Variants in SZT2 observed in about 807,000 individuals in gnomAD.
The protein encoded by SZT2 is SZT2 subunit of KICSTOR complex, also known as KICSTOR complex protein SZT2.
In SZT2, 216 loss-of-function variants were observed where a neutral mutation model predicts 404.2. That is an observed-to-expected ratio of 0.53 (90% CI 0.48 to 0.60). SZT2 has a LOEUF of 0.60. Ranked by LOEUF, SZT2 falls within the 20% of genes least tolerant of loss-of-function variation. The pLI is 0.00. For synonymous variants in SZT2, 1,693 were observed against 1,749.9 expected (o/e 0.97, Z 0.81); for missense variants, 3,857 against 4,459.2 (o/e 0.86, Z 3.85).
At chr1:43,392,843 A>G (rs1648563754) in intron 1 of SZT2, among the ~76,000 whole-genome samples, 1 of 152,212 alleles carries the variant, frequency 6.6e-6, no homozygotes, top group African/African-American at 2.4e-5. Context: ...ATCCCAAGAG[A>G]GAAAGATTGG....
Position 43,425,824 on chromosome 1 carries a change from T to C in SZT2, c.2815-11T>C, listed in dbSNP as rs1367279617. Reference sequence around the variant, plus strand: ...GGGGTTGACTCCTGACCTCTGATGTTCTTCCTGTAGCTCCACCCACGGGAT... The same window carrying C: ...GGGGTTGACTCCTGACCTCTGATGTCCTTCCTGTAGCTCCACCCACGGGAT... On this transcript the variant is annotated splice_polypyrimidine_tract_variant and intron_variant, in intron 19 of 71. Transcript: ENST00000634258. The surrounding 1 kb of genome is among the most constrained non-coding windows in gnomAD (Gnocchi z 4.3). The C allele has an allele frequency of 6.2e-7, 1 of 1,612,898 alleles. No homozygotes were observed. Among genetic ancestry groups the C allele is most frequent in the East Asian group, 2.2e-5 (1 of 44,866 alleles).
Position 43,431,804 on chromosome 1 carries a change from A to G in SZT2, c.5177A>G (p.His1726Arg), listed in dbSNP as rs773503787. The G allele has an allele frequency of 1.2e-6, 2 of 1,614,212 alleles. No homozygotes were observed. The highest frequency in any genetic ancestry group is 1.7e-5 in the Admixed American group (1 of 60,030). Residue 1726 changes from histidine (H) to arginine (R), a missense_variant, in exon 36 of 72, where the codon CAT becomes CGT. Physicochemically the swap from His to Arg is conservative, Grantham distance 29. Coordinates refer to ENST00000634258, the MANE Select transcript of SZT2 (RefSeq NM_001365999.1). ...CCTGCCCTGCACCGCGCAGCTGCCC[A>G]TATCCATAGTTCTCCTGGACGCTCC... ...QSPALHRAAAHIHSSPGRSTC... is the reference protein window; with the variant it reads ...QSPALHRAAARIHSSPGRSTC...
At chr1:43,422,316 C>A in intron 12 of SZT2, 91 bp downstream of exon 12, 1 of 1,500,734 alleles carries the variant, frequency 6.7e-7, no homozygotes, top group Non-Finnish European at 8.9e-7. Flanking sequence ...CAGATGAGCT[C>A]TTACCAACTG....
intron 62 of SZT2, 59 bp from the exon 63 acceptor site, chr1:43,445,835 C>A: frequency 6.6e-7 from 1 of 1,515,092 alleles, no homozygotes; most frequent in South Asian, 1.1e-5. Context: ...TGGGTCTGAT[C>A]ACCATGACTG....
At chr1:43,444,353 T>C (rs944868489) in intron 62 of SZT2, among the ~76,000 whole-genome samples, 3 of 152,054 alleles carry the variant, frequency 2.0e-5, no homozygotes, top group African/African-American at 7.2e-5. Flanking sequence ...CACCTCAGCC[T>C]CCCAAAGTGC....
chr1:43,440,285 C>T (rs1654925259), intron 51 of SZT2, among the ~76,000 whole-genome samples, 168 bp from the exon 52 acceptor site: 1 of 152,210 alleles, frequency 6.6e-6, no homozygotes, highest in African/African-American at 2.4e-5. Flanking sequence ...GCATCAGAGG[C>T]TCACTTCACA....
rs765630167 is a variant in SZT2, at chr1:43,443,808, C to T, written c.8825+12C>T. Reference sequence around the variant, plus strand: ...TCACCCGCCCGCAGGTGAGCCCGTCCCTGTTTTCCCTTCTGTCTTCTCCTC... The same window carrying T: ...TCACCCGCCCGCAGGTGAGCCCGTCTCTGTTTTCCCTTCTGTCTTCTCCTC... On this transcript the variant is annotated intron_variant, in intron 62 of 71. Transcript: ENST00000634258. 6 of 1,612,746 alleles carry T rather than the reference C, an allele frequency of 3.7e-6. No individual in the cohort carries two copies. Among genetic ancestry groups the T allele is most frequent in the Non-Finnish European group, 5.1e-6 (6 of 1,179,950 alleles).
Position 43,420,275 on chromosome 1 carries a change from G to T in SZT2, c.1213G>T (p.Val405Leu), listed in dbSNP as rs758088517. Residue 405 changes from valine to leucine, a missense_variant, in exon 9 of 72, where the codon GTA (valine) becomes TTA (leucine). By Grantham distance (32) the Val-to-Leu change is conservative (BLOSUM62 1). This residue lies in a region of SZT2 where 536 missense variants were observed against 637.4 expected (regional missense o/e 0.84). Coordinates refer to ENST00000634258, the MANE Select transcript of SZT2 (RefSeq NM_001365999.1). This position sits in a 1 kb window ranked among gnomAD's most constrained non-coding sequence, Gnocchi z 5.1. ...VPADLVSTVS[V>L]RLREGYSVRE... ...AGCCGACTTGGTCAGCACTGTGTCC[G>T]TACGGCTTCGAGAGGGCTACAGTGT... The T allele has an allele frequency of 3.8e-6, 6 of 1,598,146 alleles. No homozygotes were observed. Among genetic ancestry groups the T allele is most frequent in the Non-Finnish European group, 5.1e-6 (6 of 1,179,684 alleles).
rs377397872 is a variant in SZT2 at position 43,432,279 on chromosome 1, G to T, written c.5282G>T (p.Arg1761Leu). 6.4e-7 allele frequency: 1 copy of T among 1,553,580 alleles called. No individual in the cohort carries two copies. Among genetic ancestry groups the T allele is most frequent in the East Asian group, 2.2e-5 (1 of 44,488 alleles). ...TTGGCTCCTGCTCTCTAGGAGTTCC[G>T]CCGCCTCCATCTCCCTGGCCATGTT... ...RSLTQFKEEF[R>L]RLHLPGHVLL... The change falls in exon 37 of 72, where the codon CGC becomes CTC. Residue 1761 changes from arginine (R) to leucine (L), a missense_variant. Around this residue, in one of 7 missense-constraint regions of SZT2, gnomAD observed 1,725 missense variants for 1,881.0 expected, o/e 0.92. Coordinates refer to ENST00000634258, the MANE Select transcript of SZT2 (RefSeq NM_001365999.1).
chr1:43,453,865 CG>C lies in SZT2; in HGVS notation c.*3390del. ...CGGGCGGCGGGCGGCGGGCGGCGGGCGGGGGCGGGGCTCTCCTTGCTGGCCC... is the reference window on the plus strand; with the variant it reads ...CGGGCGGCGGGCGGCGGGCGGCGGGCGGGGCGGGGCTCTCCTTGCTGGCCC... On this transcript the variant is annotated 3_prime_UTR_variant, in exon 72 of 72. Coordinates refer to ENST00000634258, the MANE Select transcript of SZT2 (RefSeq NM_001365999.1). 1.1e-6 allele frequency: 1 copy of C among 888,254 alleles called. No homozygotes were observed. The highest frequency in any genetic ancestry group is 1.5e-6 in the Non-Finnish European group (1 of 684,766). 55.0% of individuals were successfully genotyped at this position (888,254 alleles called of 1,614,324 possible).
In SZT2 at chr1:43,415,180, C is replaced by T; in HGVS notation, c.597C>T (p.Thr199=). Residue 199 remains threonine, a synonymous_variant, in exon 5 of 72, where the codon ACC becomes ACT. Coordinates refer to ENST00000634258, the MANE Select transcript of SZT2 (RefSeq NM_001365999.1). ...QLCLFEDKVA[T]MLQQQYDPQS... ...GCCTCTTTGAGGATAAGGTGGCCAC[C>T]ATGCTGCAGCAGCAGTACGATCCCC... The T allele has an allele frequency of 6.3e-7, 1 of 1,598,004 alleles. No homozygotes were observed. Among genetic ancestry groups the T allele is most frequent in the Non-Finnish European group, 8.5e-7 (1 of 1,179,576 alleles).
At chr1:43,432,463 G>T (rs372353520) in intron 37 of SZT2, 24 bp downstream of exon 37, 2 of 1,562,982 alleles carry the variant, frequency 1.3e-6, no homozygotes, top group South Asian at 1.2e-5. Flanking sequence ...GGGAATGGAG[G>T]GGGGTGGTGG....
chr1:43,451,189 G>T lies in SZT2; in HGVS notation c.*709G>T. 1 of 1,518,162 alleles carries T rather than the reference G, an allele frequency of 6.6e-7. No homozygotes were observed. Among genetic ancestry groups the T allele is most frequent in the Non-Finnish European group, 9.2e-7 (1 of 1,092,698 alleles). 94.0% of individuals were successfully genotyped at this position (1,518,162 alleles called of 1,614,324 possible). On this transcript the variant is annotated 3_prime_UTR_variant, in exon 72 of 72. Transcript: ENST00000634258. ...AGGTCATCTTTAATGCAGAGGAGGA[G>T]ATGGGATGTCACTCGCTGTCTGGAG...
rs1397277980 is a variant in SZT2 at position 43,440,730 on chromosome 1, G to A, written c.7344+144G>A. Reference sequence around the variant, plus strand: ...ACTGCTCTGTCCTGCCAGACACCATGGCGTGTACCTTTAGTCCCAGCTCCT... The same window carrying A: ...ACTGCTCTGTCCTGCCAGACACCATAGCGTGTACCTTTAGTCCCAGCTCCT... On this transcript the variant is annotated intron_variant, in intron 52 of 71. Coordinates refer to ENST00000634258, the MANE Select transcript of SZT2 (RefSeq NM_001365999.1). The A allele has an allele frequency of 1.4e-5, 17 of 1,174,678 alleles. No homozygotes were observed. The East Asian group carries it at 4.8e-4, about 33-fold the overall frequency. The allele number at this position is 1,174,678 out of a possible 1,614,324, so 72.8% of individuals were successfully genotyped here.
At position 43,420,456 on chromosome 1, in the gene SZT2, G is replaced by A. The variant is rs141657742; in HGVS notation, c.1261+133G>A. The stretch of plus-strand genomic sequence containing the variant: ...CACTTGAGACAGTGGGTTTTGAATT[G>A]TCATCAGGGCTTAATTCTCTTAGCA... On this transcript the variant is annotated intron_variant, in intron 9 of 71. Coordinates refer to ENST00000634258, the MANE Select transcript of SZT2 (RefSeq NM_001365999.1). This position sits in a 1 kb window ranked among gnomAD's most constrained non-coding sequence, Gnocchi z 5.1. 1.3e-3 allele frequency: 1,583 copies of A among 1,218,802 alleles called. 26 individuals are homozygous for A. In the East Asian group the frequency reaches 0.02, roughly 15 times the overall value. 75.5% of individuals were successfully genotyped at this position (1,218,802 alleles called of 1,614,324 possible). A position where few individuals can be genotyped will look rare whatever the true frequency, so the allele number is the denominator to read the frequency against.
Position 43,453,616 on chromosome 1 carries a change from C to A in SZT2, c.*3136C>A, listed in dbSNP as rs905223065. The A allele has an allele frequency of 9.6e-5, 144 of 1,504,442 alleles. No individual in the cohort carries two copies. Among genetic ancestry groups the A allele is most frequent in the Non-Finnish European group, 1.3e-4 (144 of 1,131,436 alleles). 93.2% of individuals were successfully genotyped at this position (1,504,442 alleles called of 1,614,324 possible). A position where few individuals can be genotyped will look rare whatever the true frequency, so the allele number is the denominator to read the frequency against. Reference sequence around the variant, plus strand: ...GCACCCGGGGGCGTGTTGATCAGTACAAGCCGCAGCCCCGCTTCTCGCGCG... The same window carrying A: ...GCACCCGGGGGCGTGTTGATCAGTAAAAGCCGCAGCCCCGCTTCTCGCGCG... On this transcript the variant is annotated 3_prime_UTR_variant, in exon 72 of 72. Coordinates refer to ENST00000634258, the MANE Select transcript of SZT2 (RefSeq NM_001365999.1).
In SZT2 at chr1:43,454,097, AAG is replaced by A. The variant is rs1169179921; in HGVS notation, c.*3624_*3625del. ...AGGGCCTGAGAGCCGGACGCGAAGC[AAG>A]AGAGAGCTGGCTGCCCGAGGGCCCG... On this transcript the variant is annotated 3_prime_UTR_variant, in exon 72 of 72. Transcript: ENST00000634258. 18 of 1,085,206 alleles carry A rather than the reference AAG, an allele frequency of 1.7e-5. No individual in the cohort carries two copies. Among genetic ancestry groups the A allele is most frequent in the Middle Eastern group, 4.0e-4 (1 of 2,512 alleles). The allele number at this position is 1,085,206 out of a possible 1,614,324, so 67.2% of individuals were successfully genotyped here.
chr1:43,448,464 G>A lies in SZT2; in HGVS notation c.9949G>A (p.Gly3317Arg). 6.2e-7 allele frequency: 1 copy of A among 1,609,774 alleles called. No homozygotes were observed. The highest frequency in any genetic ancestry group is 8.5e-7 in the Non-Finnish European group (1 of 1,178,280). Residue 3317 changes from glycine (G) to arginine (R), a missense_variant, in exon 69 of 72, where the codon GGG becomes AGG. Physicochemically the swap from Gly to Arg is moderately radical, Grantham distance 125. This residue lies in a region of SZT2 where 717 missense variants were observed against 868.2 expected (regional missense o/e 0.83). Transcript: ENST00000634258. The surrounding 1 kb of genome is among the most constrained non-coding windows in gnomAD (Gnocchi z 4.2). ...AGAAGCAGTCCATGCCAAATCCATTGGGGACATCGACCCCCAGCTGGTAAG... is the reference window on the plus strand; with the variant it reads ...AGAAGCAGTCCATGCCAAATCCATTAGGGACATCGACCCCCAGCTGGTAAG... Reference protein sequence around the residue: ...LLEAVHAKSIGDIDPQLDCFL... With the variant: ...LLEAVHAKSIRDIDPQLDCFL...
At chr1:43,444,211 C>T (rs116674500) in intron 62 of SZT2, among the ~76,000 whole-genome samples, 3,890 of 152,200 alleles carry the variant, frequency 0.026, 167 homozygotes, top group African/African-American at 0.089. Flanking sequence ...ATTCTTGTGC[C>T]TCAGTCTCCC....
Sources: gnomAD v4.1 joint callset for allele counts (sites outside exome capture counted in the v4.1 genomes callset) on GRCh38, gnomAD v4.1.1 for gene constraint, gnomAD v4.1.1 regional missense constraint, Gnocchi (gnomAD v3.1) non-coding constraint, MANE v1.5 for transcripts, NCBI Gene and HGNC (gene_info 2026-07-23, HGNC 2026-07-21) for gene names.